The following HUNK variants were observed in gnomAD, a reference collection of about 807,000 sequenced individuals.
HUNK encodes the protein hormonally up-regulated Neu-associated kinase.
HUNK carries 21 observed loss-of-function variants against 61.0 expected under a neutral mutation model. The ratio of observed to expected loss-of-function variants is 0.34; its 90% CI spans 0.24 to 0.50. The LOEUF (loss-of-function observed/expected upper bound fraction) is 0.50. HUNK is among the 20% of genes least tolerant of loss of function. The probability of loss-of-function intolerance (pLI) is 0.98; values close to 1 mark genes in which losing one functional copy is unlikely to be tolerated. For missense variants in HUNK, 772 were observed against 945.7 expected (o/e 0.82, Z 2.41); for synonymous variants, 371 against 386.1 (o/e 0.96, Z 0.46).
At chr21:31,959,171 A>ATCCTT (rs1568934866) in intron 5 of HUNK, among the ~76,000 whole-genome samples, 1 of 152,222 alleles carries the variant, frequency 6.6e-6, no homozygotes, top group East Asian at 1.9e-4. Flanking sequence ...TTTCACCTGT[A>ATCCTT]TCCTTTCCTG....
At chr21:31,938,394 C>T (rs1314068502) in intron 2 of HUNK, among the ~76,000 whole-genome samples, 1 of 152,160 alleles carries the variant, frequency 6.6e-6, no homozygotes, top group African/African-American at 2.4e-5. Context: ...GAGTTTGTTG[C>T]CAACATTTAA....
intron 3 of HUNK, among the ~76,000 whole-genome samples, chr21:31,942,346 C>G (rs41441847): frequency 6.6e-5 from 10 of 152,174 alleles, no homozygotes; most frequent in African/African-American, 2.4e-4. Context: ...CTGCTTTCTC[C>G]TTAAGTGGTA....
intron 5 of HUNK, among the ~76,000 whole-genome samples, chr21:31,964,273 T>C (rs890378431): frequency 6.6e-6 from 1 of 152,198 alleles, no homozygotes; most frequent in Non-Finnish European, 1.5e-5. Flanking sequence ...GATTATCAAA[T>C]AATTTTTTAG....
chr21:31,965,877 C>T (rs538068997), intron 5 of HUNK, among the ~76,000 whole-genome samples: 1 of 152,254 alleles, frequency 6.6e-6, no homozygotes, highest in East Asian at 1.9e-4. Context: ...GCTGGGATTA[C>T]AGTTGTGAGC....
chr21:31,941,823 C>G (rs978336105), intron 3 of HUNK, among the ~76,000 whole-genome samples: 1 of 152,104 alleles, frequency 6.6e-6, no homozygotes, highest in Non-Finnish European at 1.5e-5. Flanking sequence ...TGTAACTGTT[C>G]TTTGGAAAAT....
intron 1 of HUNK, among the ~76,000 whole-genome samples, chr21:31,908,879 T>C (rs2052526841): frequency 6.6e-6 from 1 of 152,114 alleles, no homozygotes; most frequent in Non-Finnish European, 1.5e-5. Context: ...TCAGGGTTTT[T>C]TTTGCCAATA....
chr21:32,003,264 C>T lies in HUNK; in HGVS notation c.*4080C>T, dbSNP rs1053462276. The T allele has an allele frequency of 1.3e-5, 2 of 152,186 alleles. No homozygotes were observed. Among genetic ancestry groups the T allele is most frequent in the African/African-American group, 2.4e-5 (1 of 41,426 alleles). The allele number at this position is 152,186 out of a possible 1,614,324, so 9.4% of individuals were successfully genotyped here. A position where few individuals can be genotyped will look rare whatever the true frequency, so the allele number is the denominator to read the frequency against. On this transcript the variant is annotated 3_prime_UTR_variant, in exon 11 of 11. Coordinates refer to ENST00000270112, the MANE Select transcript of HUNK (RefSeq NM_014586.2). ...GCTTCCTGAACCTTATGCTGTTTGT[C>T]CCATCCACTCTTGAAGCTGGGGAAA...
At chr21:31,879,479 T>C (rs1197674365) in intron 1 of HUNK, among the ~76,000 whole-genome samples, 3 of 152,212 alleles carry the variant, frequency 2.0e-5, no homozygotes, top group Admixed American at 1.3e-4. Context: ...GCCTGGTTCC[T>C]AGTGTTCATT....
chr21:31,980,460 T>C (rs992534782), intron 7 of HUNK, among the ~76,000 whole-genome samples: 4 of 148,854 alleles, frequency 2.7e-5, no homozygotes, highest in African/African-American at 5.0e-5. Flanking sequence ...CACTGCAACC[T>C]CCGCCTCCCA....
At chr21:31,897,192 G>A (rs2052430870) in intron 1 of HUNK, among the ~76,000 whole-genome samples, 1 of 149,158 alleles carries the variant, frequency 6.7e-6, no homozygotes, top group African/African-American at 2.5e-5. Context: ...GCTGCGGTGA[G>A]CCGAGATCAC....
intron 2 of HUNK, among the ~76,000 whole-genome samples, chr21:31,935,939 GGT>G (rs1206684301): frequency 6.6e-6 from 1 of 152,090 alleles, no homozygotes; most frequent in Admixed American, 6.6e-5. Flanking sequence ...TGGGATTACA[GGT>G]GTGTGCCACC....
At position 31,940,155 on chromosome 21, in the gene HUNK, T is replaced by C; in HGVS notation, c.555-10T>C. ...TTATCTGAAATGCTGTGTGGTTTTG[T>C]TTATTTCAGAGACTTGAAGATAGAG... On this transcript the variant is annotated splice_polypyrimidine_tract_variant and intron_variant, in intron 2 of 10. Coordinates refer to ENST00000270112, the MANE Select transcript of HUNK (RefSeq NM_014586.2). The C allele has an allele frequency of 6.3e-7, 1 of 1,582,970 alleles. No individual in the cohort carries two copies. The highest frequency in any genetic ancestry group is 8.6e-7 in the Non-Finnish European group (1 of 1,161,064).
At chr21:31,899,330 C>T (rs944869685) in intron 1 of HUNK, among the ~76,000 whole-genome samples, 4 of 152,132 alleles carry the variant, frequency 2.6e-5, no homozygotes, top group Non-Finnish European at 5.9e-5. Flanking sequence ...GGAGGAGAAT[C>T]TTCTTTTCTT....
Position 31,998,757 on chromosome 21 carries a change from T to A in HUNK, c.1718T>A (p.Val573Glu), listed in dbSNP as rs772963158. The part of the protein sequence containing the change: ...ESVDRDDHVE[V>E]LSPSHHYRIL... ...GTGGATCGCGACGACCACGTAGAAG[T>A]GCTGTCTCCCTCTCATCACTACAGG... The change falls in exon 11 of 11, where the codon GTG becomes GAG. Residue 573 changes from valine to glutamate, a missense_variant. Coordinates refer to ENST00000270112, the MANE Select transcript of HUNK (RefSeq NM_014586.2). 2.2e-5 allele frequency: 36 copies of A among 1,613,976 alleles called. No individual in the cohort carries two copies. Among genetic ancestry groups the A allele is most frequent in the Non-Finnish European group, 3.1e-5 (36 of 1,180,024 alleles).
At chr21:31,992,413 C>T (rs759060937) in intron 9 of HUNK, among the ~76,000 whole-genome samples, 2 of 152,222 alleles carry the variant, frequency 1.3e-5, no homozygotes, top group Non-Finnish European at 2.9e-5. Flanking sequence ...CGTGCACATC[C>T]GCAGTGGGTG....
intron 1 of HUNK, among the ~76,000 whole-genome samples, chr21:31,902,527 C>T (rs559111409): frequency 6.6e-6 from 1 of 152,242 alleles, no homozygotes; most frequent in African/African-American, 2.4e-5. Context: ...AAAAAATCTT[C>T]TTCCTCGTAG....
chr21:31,873,625 G>C lies in HUNK; in HGVS notation c.-50G>C. 1 of 986,594 alleles carries C rather than the reference G, an allele frequency of 1.0e-6. No individual in the cohort carries two copies. The highest frequency in any genetic ancestry group is 1.2e-6 in the Non-Finnish European group (1 of 831,334). 61.1% of individuals were successfully genotyped at this position (986,594 alleles called of 1,614,324 possible). On this transcript the variant is annotated 5_prime_UTR_variant, in exon 1 of 11. Coordinates refer to ENST00000270112, the MANE Select transcript of HUNK (RefSeq NM_014586.2). This position sits in a 1 kb window ranked among gnomAD's most constrained non-coding sequence, Gnocchi z 6.1. ...AAGCCGAAGAGCCTGGGGAGGAGGA[G>C]CTGCGAGCGCGGGAGACGAGCAGGA...
intron 1 of HUNK, among the ~76,000 whole-genome samples, chr21:31,908,366 A>G (rs983538025): frequency 6.6e-6 from 1 of 152,130 alleles, no homozygotes; most frequent in Admixed American, 6.5e-5. Flanking sequence ...AGCGCGTGAA[A>G]GTGCTGAAAG....
intron 1 of HUNK, among the ~76,000 whole-genome samples, chr21:31,917,029 C>T (rs1040050649): frequency 6.6e-6 from 1 of 152,098 alleles, no homozygotes; most frequent in African/African-American, 2.4e-5. Context: ...ATCTCTGTAG[C>T]TGCTGCTAGT....
Sources: allele counts gnomAD v4.1 joint callset (sites outside exome capture counted in the v4.1 genomes callset), GRCh38; gene constraint gnomAD v4.1.1; non-coding constraint Gnocchi (gnomAD v3.1); transcripts MANE v1.5; gene names NCBI Gene and HGNC (gene_info 2026-07-23, HGNC 2026-07-21).